The following SEMA4D variants were observed in gnomAD, a reference collection of about 807,000 sequenced individuals.
The protein encoded by SEMA4D is semaphorin-4D.
A neutral mutation model predicts 74.8 loss-of-function variants in SEMA4D; 22 were observed. The ratio of observed to expected loss-of-function variants is 0.29; its 90% CI spans 0.21 to 0.42. The LOEUF (loss-of-function observed/expected upper bound fraction) is 0.42, where lower values mean the gene tolerates loss of function less well. SEMA4D is among the 10% of genes least tolerant of loss of function. The pLI is 1.00. For synonymous variants in SEMA4D, 445 were observed against 463.7 expected, an observed-to-expected ratio of 0.96 and a Z score of 0.52; for missense variants, 937 against 1,118.4, an observed-to-expected ratio of 0.84 and a Z score of 2.31.
chr9:89,436,097 A>C (rs1850340548), intron 2 of SEMA4D, among the ~76,000 whole-genome samples: 1 of 152,174 alleles, frequency 6.6e-6, no homozygotes, highest in Non-Finnish European at 1.5e-5. Context: ...CAAAGCACAG[A>C]AGTGCAAAGC....
intron 1 of SEMA4D, among the ~76,000 whole-genome samples, chr9:89,485,788 C>CAAAAAAAA (rs56056536): frequency 9.1e-5 from 7 of 76,844 alleles, no homozygotes; most frequent in Admixed American, 1.6e-4. Flanking sequence ...AACTCCATCT[C>CAAAAAAAA]AAAAAAAAAA....
chr9:89,432,527 C>T (rs912047117), intron 2 of SEMA4D, among the ~76,000 whole-genome samples: 6 of 152,234 alleles, frequency 3.9e-5, no homozygotes, highest in Non-Finnish European at 7.3e-5. Context: ...GTCTCTATCT[C>T]TGGTCACCAG....
chr9:89,454,679 G>T (rs373939494), intron 2 of SEMA4D, among the ~76,000 whole-genome samples: 1 of 152,240 alleles, frequency 6.6e-6, no homozygotes, highest in Non-Finnish European at 1.5e-5. Context: ...CGCAGTGGGT[G>T]TCCCACGGTG....
Position 89,388,730 on chromosome 9 carries a change from G to C in SEMA4D, c.1013C>G (p.Ser338Cys), listed in dbSNP as rs1240035579. The change falls in exon 11 of 16, where the codon TCC becomes TGC. Residue 338 changes from serine to cysteine, a missense_variant. Physicochemically the swap from Ser to Cys is moderately radical, Grantham distance 112. Transcript: ENST00000422704. ...YNLSTAEEVF[S>C]HGKYMQSTTV... Reference sequence around the variant, plus strand: ...GGTGCTCTGCATGTACTTCCCGTGGGAGAAGACCTCCTCGGCTGTGGACAG... The same window carrying C: ...GGTGCTCTGCATGTACTTCCCGTGGCAGAAGACCTCCTCGGCTGTGGACAG... 6.2e-7 allele frequency: 1 copy of C among 1,611,038 alleles called. No homozygotes were observed.
At chr9:89,363,656 C>A in intron 17 of SEMA4D, 1 of 1,592,118 alleles carries the variant, frequency 6.3e-7, no homozygotes, top group South Asian at 1.1e-5. Flanking sequence ...TGCAAGCATG[C>A]TTTCCAGCTG....
At chr9:89,362,361 T>C (rs1832824627) in exon 19 of SEMA4D, 2 of 1,613,878 alleles carry the variant, frequency 1.2e-6, no homozygotes, top group African/African-American at 1.3e-5. Context: ...AGCAGGGTCT[T>C]GTTGGGGTTG....
chr9:89,431,505 T>C (rs952764994), intron 2 of SEMA4D, among the ~76,000 whole-genome samples: 1 of 152,146 alleles, frequency 6.6e-6, no homozygotes, highest in Admixed American at 6.5e-5. Flanking sequence ...TAGATTCTCT[T>C]TTGTTTTTTG....
intron 17 of SEMA4D, chr9:89,363,553 T>G: frequency 2.5e-6 from 4 of 1,613,344 alleles, no homozygotes; most frequent in Non-Finnish European, 3.4e-6. Context: ...GGTCCCCAGG[T>G]CAAAGCTCTG....
rs1564832883 is a variant in SEMA4D at position 89,450,659 on chromosome 9, G to GAAAAAAAAAAAAAAAAA, written c.-244+5228_-244+5229insTTTTTTTTTTTTTTTTT. 2.2e-3 allele frequency: 919 copies of GAAAAAAAAAAAAAAAAA among 420,874 alleles called. 226 individuals carry two copies. The highest frequency in any genetic ancestry group is 2.8e-3 in the Non-Finnish European group (704 of 254,076). The allele number at this position is 420,874 out of a possible 1,614,324, so 26.1% of individuals were successfully genotyped here. On this transcript the variant is annotated intron_variant, in intron 2 of 15. Transcript: ENST00000422704. ...AGAGTTCTGCAAGTCGAAAAACCCAGGAAAAAAAAAAAAAAAAAAAAAAAA... is the reference window on the plus strand; with the variant it reads ...AGAGTTCTGCAAGTCGAAAAACCCAGAAAAAAAAAAAAAAAAAGAAAAAAAAAAAAAAAAAAAAAAAA...
At chr9:89,370,302 C>T (rs949349426) in intron 16 of SEMA4D, among the ~76,000 whole-genome samples, 5 of 147,550 alleles carry the variant, frequency 3.4e-5, no homozygotes, top group African/African-American at 1.0e-4. Flanking sequence ...GATGTGTGTG[C>T]GTGTTATGTC....
chr9:89,462,979 C>T (rs1857684590), intron 1 of SEMA4D, among the ~76,000 whole-genome samples: 1 of 142,570 alleles, frequency 7.0e-6, no homozygotes, highest in African/African-American at 2.7e-5. Flanking sequence ...GGGAGGGGAG[C>T]GAGGGAGAAA....
chr9:89,395,510 C>A (rs1840764766), intron 6 of SEMA4D, among the ~76,000 whole-genome samples: 1 of 152,018 alleles, frequency 6.6e-6, no homozygotes, highest in Admixed American at 6.5e-5. Context: ...AACCTATCTA[C>A]AGAATGTAAG....
intron 16 of SEMA4D, among the ~76,000 whole-genome samples, chr9:89,370,558 C>T (rs1041403073): frequency 7.0e-6 from 1 of 142,096 alleles, no homozygotes; most frequent in Non-Finnish European, 1.5e-5. Context: ...GGGTGTGGTG[C>T]TGGTGTGTGG....
chr9:89,477,332 A>C (rs1259192265), intron 1 of SEMA4D, among the ~76,000 whole-genome samples: 3 of 152,002 alleles, frequency 2.0e-5, no homozygotes, highest in African/African-American at 7.3e-5. Context: ...ACACAAACAC[A>C]CACGGCCTAC....
intron 1 of SEMA4D, among the ~76,000 whole-genome samples, chr9:89,486,989 AG>A (rs1467572783): frequency 2.0e-5 from 3 of 152,178 alleles, no homozygotes; most frequent in Non-Finnish European, 4.4e-5. Context: ...ATTCAAAAAT[AG>A]TAAGAGGAAC....
At chr9:89,382,404 C>G (rs965025527) in intron 13 of SEMA4D, among the ~76,000 whole-genome samples, 2 of 152,222 alleles carry the variant, frequency 1.3e-5, no homozygotes, top group South Asian at 2.1e-4. Flanking sequence ...TCAGAGGATA[C>G]GCTCGGAGTC....
chr9:89,386,595 T>C (rs1460874909), intron 12 of SEMA4D, 113 bp from the exon 13 acceptor site: 1 of 645,594 alleles, frequency 1.5e-6, no homozygotes, highest in Non-Finnish European at 2.7e-6. Flanking sequence ...CCTCCACAGA[T>C]ACTTAGAAAA....
At chr9:89,478,333 G>A (rs375804694) in intron 1 of SEMA4D, among the ~76,000 whole-genome samples, 104 of 152,286 alleles carry the variant, frequency 6.8e-4, no homozygotes, top group African/African-American at 2.4e-3. Context: ...GACGCCATGT[G>A]ATGTTGGAGC....
exon 17 of SEMA4D, chr9:89,363,945 C>T (rs1376393353): frequency 6.2e-7 from 1 of 1,613,952 alleles, no homozygotes; most frequent in Non-Finnish European, 8.5e-7. Flanking sequence ...CGAATGTCTG[C>T]AGGACCTGGG....
Sources: allele counts gnomAD v4.1 joint callset (sites outside exome capture counted in the v4.1 genomes callset), GRCh38; gene constraint gnomAD v4.1.1; transcripts MANE v1.5; gene names NCBI Gene and HGNC (gene_info 2026-07-23, HGNC 2026-07-21).